The following GRIK2 variants were observed in gnomAD, a reference collection of about 807,000 sequenced individuals.
The protein encoded by GRIK2 is glutamate receptor ionotropic, kainate 2.
GRIK2 carries 32 observed loss-of-function variants against 100.3 expected under a neutral mutation model. The observed-to-expected ratio is 0.32, with a 90% CI of 0.24 to 0.43. GRIK2 has a LOEUF of 0.43. GRIK2 is among the 20% of genes least tolerant of loss of function. The pLI is 1.00. For missense variants in GRIK2, 843 were observed against 1,114.9 expected (o/e 0.76, Z 3.47); for synonymous variants, 417 against 389.4 (o/e 1.07, Z -0.83).
At chr6:101,406,923 A>G (rs934389665) in intron 2 of GRIK2, among the ~76,000 whole-genome samples, 1 of 152,136 alleles carries the variant, frequency 6.6e-6, no homozygotes, top group Admixed American at 6.6e-5. Flanking sequence ...TCAATTAGCT[A>G]CTTTTCTATT....
chr6:101,742,580 C>A (rs995824014), intron 7 of GRIK2, among the ~76,000 whole-genome samples: 5 of 152,096 alleles, frequency 3.3e-5, no homozygotes, highest in Non-Finnish European at 7.3e-5. Flanking sequence ...TTAAGAAATG[C>A]ATTGGTTTGG....
intron 7 of GRIK2, among the ~76,000 whole-genome samples, chr6:101,782,258 CTA>C (rs570841506): frequency 4.3e-4 from 66 of 152,280 alleles, no homozygotes; most frequent in Middle Eastern, 3.4e-3. Context: ...GTTGTTAACT[CTA>C]GTTACCCTAC....
At chr6:101,810,045 T>C (rs1299021289) in intron 9 of GRIK2, among the ~76,000 whole-genome samples, 1 of 151,366 alleles carries the variant, frequency 6.6e-6, no homozygotes, top group Non-Finnish European at 1.5e-5. Flanking sequence ...AAATATTGGC[T>C]TTTTTCTTTT....
intron 9 of GRIK2, among the ~76,000 whole-genome samples, chr6:101,815,059 C>T (rs1781552852): frequency 6.6e-6 from 1 of 151,968 alleles, no homozygotes; most frequent in African/African-American, 2.4e-5. Context: ...AATAATGTAC[C>T]CGAGTCACCT....
In GRIK2 at chr6:102,060,491, A is replaced by G. The variant is rs552165083; in HGVS notation, c.2562+4911A>G. Among the ~76,000 whole-genome samples, 3 of 150,910 alleles carry G rather than the reference A, an allele frequency of 2.0e-5. No individual in the cohort carries two copies. In the South Asian group the frequency reaches 6.2e-4, roughly 31 times the overall value. On this transcript the variant is annotated intron_variant, in intron 16 of 16. Coordinates refer to ENST00000369134, the MANE Select transcript of GRIK2 (RefSeq NM_021956.5). The stretch of plus-strand genomic sequence containing the variant: ...TAATTCTGTATTTCATGGAAACAGA[A>G]GAATGAAAACAGGTTGTTTACAGAT...
intron 16 of GRIK2, among the ~76,000 whole-genome samples, chr6:102,057,310 T>C (rs904296773): frequency 5.9e-5 from 9 of 152,126 alleles, no homozygotes; most frequent in East Asian, 1.9e-4. Context: ...CTTACCTCTA[T>C]GTGTCCCATT....
chr6:101,450,006 G>C (rs929890666), intron 2 of GRIK2, among the ~76,000 whole-genome samples: 1 of 151,546 alleles, frequency 6.6e-6, no homozygotes, highest in East Asian at 1.9e-4. Context: ...TTCATTTTTT[G>C]TTCTTTATAA....
At chr6:101,787,012 A>G (rs1183048687) in intron 7 of GRIK2, among the ~76,000 whole-genome samples, 2 of 151,938 alleles carry the variant, frequency 1.3e-5, no homozygotes, top group African/African-American at 2.4e-5. Context: ...TAGCCTGTTC[A>G]GTTTTTCTAC....
intron 4 of GRIK2, among the ~76,000 whole-genome samples, chr6:101,627,495 T>A (rs2128319084): frequency 6.6e-6 from 1 of 152,272 alleles, no homozygotes; most frequent in East Asian, 1.9e-4. Flanking sequence ...TAGGGTAGTT[T>A]CTCAAGGCAA....
chr6:102,062,822 G>A (rs867857025), intron 16 of GRIK2, among the ~76,000 whole-genome samples: 25 of 150,516 alleles, frequency 1.7e-4, no homozygotes, highest in African/African-American at 5.6e-4. Flanking sequence ...CACATTAAAT[G>A]ACATTTATTT....
intron 7 of GRIK2, among the ~76,000 whole-genome samples, chr6:101,757,819 A>G (rs1777232494): frequency 6.6e-6 from 1 of 152,240 alleles, no homozygotes; most frequent in African/African-American, 2.4e-5. Flanking sequence ...TCTTTTAAAA[A>G]AGCAATTTCT....
intron 14 of GRIK2, among the ~76,000 whole-genome samples, chr6:102,001,535 C>G (rs565314830): frequency 8.1e-4 from 123 of 152,170 alleles, no homozygotes; most frequent in Non-Finnish European, 1.3e-3. Flanking sequence ...AGGACATGAA[C>G]TCATTCTTTT....
intron 14 of GRIK2, among the ~76,000 whole-genome samples, chr6:101,985,642 C>T (rs1484356511): frequency 6.6e-6 from 1 of 151,592 alleles, no homozygotes; most frequent in Non-Finnish European, 1.5e-5. Context: ...TACTCTTAGC[C>T]CTTAGTAATA....
At chr6:101,822,044 G>A (rs1781988125) in intron 10 of GRIK2, among the ~76,000 whole-genome samples, 1 of 151,996 alleles carries the variant, frequency 6.6e-6, no homozygotes, top group Non-Finnish European at 1.5e-5. Context: ...TATTTCTCAT[G>A]AATTCTATTC....
chr6:101,712,671 T>A (rs992348041), intron 7 of GRIK2, among the ~76,000 whole-genome samples: 1 of 151,820 alleles, frequency 6.6e-6, no homozygotes, highest in African/African-American at 2.4e-5. Flanking sequence ...AAAGAAGATA[T>A]CAGAGCTGAA....
At chr6:101,460,428 T>C (rs1771244552) in intron 2 of GRIK2, among the ~76,000 whole-genome samples, 1 of 152,242 alleles carries the variant, frequency 6.6e-6, no homozygotes, top group South Asian at 2.1e-4. Flanking sequence ...CTTAAATAGA[T>C]GAGTAGACCT....
At chr6:101,955,020 A>G (rs1791827134) in intron 14 of GRIK2, among the ~76,000 whole-genome samples, 1 of 152,100 alleles carries the variant, frequency 6.6e-6, no homozygotes, top group Non-Finnish European at 1.5e-5. Flanking sequence ...TGTGCACTTT[A>G]AAACAACCTC....
chr6:101,807,536 C>G (rs1781079743), intron 9 of GRIK2, among the ~76,000 whole-genome samples: 1 of 151,824 alleles, frequency 6.6e-6, no homozygotes, highest in Non-Finnish European at 1.5e-5. Flanking sequence ...AACAGGGATT[C>G]AAAGGCAAGC....
intron 12 of GRIK2, among the ~76,000 whole-genome samples, chr6:101,915,018 G>T (rs1789009168): frequency 6.6e-6 from 1 of 151,204 alleles, no homozygotes; most frequent in African/African-American, 2.4e-5. Context: ...CTAACATCCT[G>T]CTCATTAATG....
Sources: gnomAD v4.1 joint callset for allele counts (sites outside exome capture counted in the v4.1 genomes callset) on GRCh38, gnomAD v4.1.1 for gene constraint, MANE v1.5 for transcripts, NCBI Gene and HGNC (gene_info 2026-07-23, HGNC 2026-07-21) for gene names.